Variants in KALRN observed in about 807,000 individuals in gnomAD.
KALRN encodes the protein kalirin.
A neutral mutation model predicts 353.7 loss-of-function variants in KALRN; 70 were observed. The observed-to-expected ratio is 0.20, with a 90% CI of 0.16 to 0.24. KALRN has a LOEUF of 0.24. Among genes scored for constraint, KALRN ranks in the 10% least tolerant of loss-of-function variants. KALRN has a pLI of 1.00. For missense variants in KALRN, 2,791 were observed against 3,756.7 expected (o/e 0.74, Z 6.72); for synonymous variants, 1,391 against 1,434.8 (o/e 0.97, Z 0.69).
intron 3 of KALRN, among the ~76,000 whole-genome samples, chr3:124,261,349 G>A (rs2072842603): frequency 1.3e-5 from 2 of 152,162 alleles, no homozygotes; most frequent in African/African-American, 2.4e-5. Context: ...ATGATGTATG[G>A]CAAATACTGA....
chr3:124,288,637 A>T (rs956210987), intron 5 of KALRN, among the ~76,000 whole-genome samples: 47 of 152,156 alleles, frequency 3.1e-4, no homozygotes, highest in African/African-American at 1.1e-3. Flanking sequence ...TTTGACTGAG[A>T]TAATGACACG....
At chr3:124,214,749 C>A (rs900696040) in intron 1 of KALRN, among the ~76,000 whole-genome samples, 3 of 152,178 alleles carry the variant, frequency 2.0e-5, no homozygotes, top group Non-Finnish European at 2.9e-5. Context: ...CTTTCCTGTG[C>A]CTTCACACCT....
chr3:124,385,434 C>A (rs538634187), intron 11 of KALRN, among the ~76,000 whole-genome samples: 8 of 152,292 alleles, frequency 5.3e-5, no homozygotes, highest in African/African-American at 1.9e-4. Flanking sequence ...AAATGAGAGT[C>A]CCACAGAACT....
chr3:124,319,142 C>T (rs1392124872), intron 6 of KALRN, among the ~76,000 whole-genome samples: 1 of 151,522 alleles, frequency 6.6e-6, no homozygotes, highest in Admixed American at 6.6e-5. Flanking sequence ...GAGTGCAACC[C>T]AGCTAAATGT....
chr3:124,668,043 GACACACACACACAC>G lies in KALRN; in HGVS notation c.6703+898_6703+911del, dbSNP rs55672121. Among the ~76,000 whole-genome samples the G allele has an allele frequency of 9.1e-3, 1,263 of 138,416 alleles. 18 individuals are homozygous for G. Among genetic ancestry groups the G allele is most frequent in the African/African-American group, 0.027 (981 of 36,946 alleles). 90.8% of individuals were successfully genotyped at this position (138,416 alleles called of 152,430 possible). On this transcript the variant is annotated intron_variant, in intron 47 of 59. Transcript: ENST00000682506. ...GAAAACACATATGCCTGTATATCGAGACACACACACACACACACACACACACACACACACACACA... is the reference window on the plus strand; with the variant it reads ...GAAAACACATATGCCTGTATATCGAGACACACACACACACACACACACACA...
intron 2 of KALRN, among the ~76,000 whole-genome samples, chr3:124,233,857 A>G (rs1318716613): frequency 6.6e-6 from 1 of 152,182 alleles, no homozygotes; most frequent in Non-Finnish European, 1.5e-5. Context: ...TGATCATGAC[A>G]TAGTGGTTTT....
chr3:124,159,894 G>A (rs2069650529), intron 1 of KALRN, among the ~76,000 whole-genome samples: 1 of 151,976 alleles, frequency 6.6e-6, no homozygotes, highest in Non-Finnish European at 1.5e-5. Flanking sequence ...GATGGAAGCA[G>A]GATTCTCAGA....
intron 5 of KALRN, among the ~76,000 whole-genome samples, chr3:124,277,336 C>G (rs556655887): frequency 6.6e-6 from 1 of 152,134 alleles, no homozygotes; most frequent in African/African-American, 2.4e-5. Flanking sequence ...CTGCTCTCCC[C>G]TCTCCTACTG....
chr3:124,717,209 C>A, intron 58 of KALRN, 38 bp from the exon 59 acceptor site: 1 of 1,542,876 alleles, frequency 6.5e-7, no homozygotes, highest in South Asian at 1.3e-5. Flanking sequence ...TTCTTCATTT[C>A]AAACATATTT....
intron 5 of KALRN, 80 bp from the exon 6 acceptor site, chr3:124,298,711 C>T (rs2077038996): frequency 6.6e-7 from 1 of 1,515,696 alleles, no homozygotes; most frequent in Non-Finnish European, 9.1e-7. Context: ...GAGCTTTTTC[C>T]CCTTCCACTA....
intron 34 of KALRN, among the ~76,000 whole-genome samples, chr3:124,575,050 A>T (rs2073954993): frequency 6.6e-6 from 1 of 152,242 alleles, no homozygotes; most frequent in South Asian, 2.1e-4. Context: ...CCTGCAAACA[A>T]GCATGAGAAG....
At chr3:124,650,091 C>G (rs1368114512) in intron 37 of KALRN, among the ~76,000 whole-genome samples, 2 of 152,134 alleles carry the variant, frequency 1.3e-5, no homozygotes, top group African/African-American at 4.8e-5. Context: ...TGTATCCACA[C>G]TACTTCTGCC....
Position 124,490,694 on chromosome 3 carries a change from G to A in KALRN, c.4397G>A (p.Gly1466Glu). 1 of 1,611,958 alleles carries A rather than the reference G, an allele frequency of 6.2e-7. No homozygotes were observed. The highest frequency in any genetic ancestry group is 8.5e-7 in the Non-Finnish European group (1 of 1,179,362). The change falls in exon 30 of 60, where the codon GGG becomes GAG. Residue 1466 changes from glycine (G) to glutamate (E), a missense_variant and splice_region_variant. Coordinates refer to ENST00000682506, the MANE Select transcript of KALRN (RefSeq NM_001388419.1). The stretch of plus-strand genomic sequence containing the variant: ...CAGGGTGGAAATGGATGTTTTTCAG[G>A]GTTCGACGAGAACCTGGATGTGCAG... Reference protein sequence around the residue: ...NDAMHVSMLEGFDENLDVQGE... With the variant: ...NDAMHVSMLEEFDENLDVQGE...
chr3:124,577,482 G>A (rs2074226693), intron 34 of KALRN, among the ~76,000 whole-genome samples: 1 of 152,028 alleles, frequency 6.6e-6, no homozygotes, highest in African/African-American at 2.4e-5. Context: ...AAGGAGAAGA[G>A]ATTACTATGC....
intron 37 of KALRN, among the ~76,000 whole-genome samples, chr3:124,649,732 G>A (rs892090043): frequency 6.6e-6 from 1 of 151,924 alleles, no homozygotes; most frequent in Non-Finnish European, 1.5e-5. Flanking sequence ...AGGCTGCAGT[G>A]AGCCATGATT....
chr3:124,427,968 G>A (rs1169819910), intron 15 of KALRN, among the ~76,000 whole-genome samples: 1 of 152,140 alleles, frequency 6.6e-6, no homozygotes, highest in Non-Finnish European at 1.5e-5. Context: ...CAAGGAAAGT[G>A]TTCACATTTT....
intron 48 of KALRN, among the ~76,000 whole-genome samples, chr3:124,673,354 C>G (rs138622123): frequency 3.3e-5 from 5 of 152,056 alleles, no homozygotes; most frequent in Non-Finnish European, 7.4e-5. Context: ...CCACTGCACT[C>G]TAGCCTAGGT....
In KALRN at chr3:124,637,241, A is replaced by G; in HGVS notation, c.5602A>G (p.Thr1868Ala). 1 of 1,614,106 alleles carries G rather than the reference A, an allele frequency of 6.2e-7. No homozygotes were observed. Among genetic ancestry groups the G allele is most frequent in the Non-Finnish European group, 8.5e-7 (1 of 1,180,008 alleles). Residue 1868 changes from threonine (T) to alanine (A), a missense_variant, in exon 37 of 60, where the codon ACT (threonine) becomes GCT (alanine). This residue lies in a region of KALRN where 1,065 missense variants were observed against 1,156.4 expected (regional missense o/e 0.92). Transcript: ENST00000682506. The stretch of plus-strand genomic sequence containing the variant: ...TTTGCTAGCAGCCCGGCAGGCTTCC[A>G]CTGAAGTACCTACTGCTGCAGACCT... Reference protein sequence around the residue: ...SSLLAARQASTEVPTAADLVN... With the variant: ...SSLLAARQASAEVPTAADLVN...
chr3:124,594,803 A>T (rs6791528), intron 34 of KALRN, among the ~76,000 whole-genome samples: 23,564 of 152,042 alleles, frequency 0.15, 1,949 homozygotes, highest in Middle Eastern at 0.19. Flanking sequence ...ATCAGCAAGC[A>T]CTGTGGCTGG....
Sources: gnomAD v4.1 joint callset for allele counts (sites outside exome capture counted in the v4.1 genomes callset) on GRCh38, gnomAD v4.1.1 for gene constraint, gnomAD v4.1.1 regional missense constraint, MANE v1.5 for transcripts, NCBI Gene and HGNC (gene_info 2026-07-23, HGNC 2026-07-21) for gene names.